The following TTC17 variants were observed in gnomAD, a reference collection of about 807,000 sequenced individuals.
TTC17 encodes the protein tetratricopeptide repeat domain 17, also known as tetratricopeptide repeat protein 17.
A neutral mutation model predicts 143.8 loss-of-function variants in TTC17; 58 were observed. The ratio of observed to expected loss-of-function variants is 0.40; its 90% CI spans 0.33 to 0.50. The LOEUF (loss-of-function observed/expected upper bound fraction) is 0.50. TTC17 is among the 20% of genes least tolerant of loss of function. The probability of loss-of-function intolerance (pLI) is 0.49; values close to 1 mark genes in which losing one functional copy is unlikely to be tolerated. For missense variants in TTC17, 1,273 were observed against 1,392.5 expected (o/e 0.91, Z 1.37); for synonymous variants, 501 against 497.8 (o/e 1.01, Z -0.09).
At chr11:43,445,888 C>A (rs959450549) in intron 18 of TTC17, 1 of 879,700 alleles carries the variant, frequency 1.1e-6, no homozygotes, top group East Asian at 2.6e-5. Context: ...TTTCTAAGAA[C>A]TAATAATAAT....
rs185357489 is a variant in TTC17, at chr11:43,456,349, A to T, written c.3030+5084A>T. On this transcript the variant is annotated intron_variant, in intron 21 of 23. Coordinates refer to ENST00000039989, the MANE Select transcript of TTC17 (RefSeq NM_018259.6). ...TGAATGTATTAATATAGACAAAGGCATTCAGACTGCCTACTGTATCTAATA... is the reference window on the plus strand; with the variant it reads ...TGAATGTATTAATATAGACAAAGGCTTTCAGACTGCCTACTGTATCTAATA... Among the ~76,000 whole-genome samples the T allele has an allele frequency of 2.4e-3, 359 of 152,316 alleles. 1 individual carries two copies. The highest frequency in any genetic ancestry group is 5.2e-3 in the Admixed American group (80 of 15,306).
At chr11:43,439,615 C>T (rs1947370868) in intron 16 of TTC17, among the ~76,000 whole-genome samples, 1 of 151,798 alleles carries the variant, frequency 6.6e-6, no homozygotes, top group Non-Finnish European at 1.5e-5. Context: ...ACTATAGGTG[C>T]CCACCACCAC....
At position 43,396,693 on chromosome 11, in the gene TTC17, C is replaced by CT. The variant is rs760660262; in HGVS notation, c.664-10dup. The CT allele has an allele frequency of 6.9e-7, 1 of 1,451,598 alleles. No homozygotes were observed. Among genetic ancestry groups the CT allele is most frequent in the South Asian group, 1.3e-5 (1 of 78,258 alleles). 89.9% of individuals were successfully genotyped at this position (1,451,598 alleles called of 1,614,324 possible). On this transcript the variant is annotated splice_polypyrimidine_tract_variant and intron_variant, in intron 5 of 23. Coordinates refer to ENST00000039989, the MANE Select transcript of TTC17 (RefSeq NM_018259.6). ...GTCTTGAGTCGTGTTTGTAATTTTA[C>CT]TTTTTTAATCTCTAGAACACTTCCT... is the stretch of plus-strand genomic sequence containing the variant.
At chr11:43,377,755 T>C (rs1429164340) in intron 1 of TTC17, among the ~76,000 whole-genome samples, 1 of 152,262 alleles carries the variant, frequency 6.6e-6, no homozygotes, top group Non-Finnish European at 1.5e-5. Flanking sequence ...TATTAAACTT[T>C]GTTATCTAGT....
At chr11:43,478,454 A>C (rs892984127) in intron 21 of TTC17, among the ~76,000 whole-genome samples, 2 of 152,206 alleles carry the variant, frequency 1.3e-5, no homozygotes, top group African/African-American at 4.8e-5. Context: ...TTAGAGGCAC[A>C]CACTAAAGAA....
intron 2 of TTC17, among the ~76,000 whole-genome samples, chr11:43,384,576 G>T (rs1259421630): frequency 6.6e-6 from 1 of 151,936 alleles, no homozygotes; most frequent in Non-Finnish European, 1.5e-5. Flanking sequence ...GATCACCTGA[G>T]CCAGGGATGC....
intron 16 of TTC17, among the ~76,000 whole-genome samples, chr11:43,426,793 A>C (rs1947038924): frequency 6.6e-6 from 1 of 152,202 alleles, no homozygotes; most frequent in African/African-American, 2.4e-5. Context: ...GGAGAAAAAA[A>C]GACAAAATAG....
chr11:43,413,928 C>A (rs1946714966), intron 15 of TTC17, among the ~76,000 whole-genome samples: 1 of 152,174 alleles, frequency 6.6e-6, no homozygotes, highest in Non-Finnish European at 1.5e-5. Context: ...ACCTTACAAC[C>A]TGTGCTAAGT....
intron 18 of TTC17, chr11:43,446,740 T>C: frequency 1.1e-6 from 1 of 904,118 alleles, no homozygotes. Flanking sequence ...CCTTCCTGCC[T>C]ATTCCATTAT....
intron 21 of TTC17, among the ~76,000 whole-genome samples, chr11:43,453,234 A>T (rs558213456): frequency 6.6e-6 from 1 of 152,318 alleles, no homozygotes; most frequent in African/African-American, 2.4e-5. Flanking sequence ...TTTAAGCTCT[A>T]GATTCAAATA....
chr11:43,396,797 G>T lies in TTC17; in HGVS notation c.752G>T (p.Arg251Leu). The part of the protein sequence containing the change: ...EPYQVVECAM[R>L]ALHFSSRHNK... Reference sequence around the variant, plus strand: ...TATCAGGTAGTAGAATGTGCCATGCGAGCACTTCACTTCTCTTCCAGGTAA... The same window carrying T: ...TATCAGGTAGTAGAATGTGCCATGCTAGCACTTCACTTCTCTTCCAGGTAA... Residue 251 changes from arginine (R) to leucine (L), a missense_variant, in exon 6 of 24, where the codon CGA (arginine) becomes CTA (leucine). Around this residue, in one of 3 missense-constraint regions of TTC17, gnomAD observed 325 missense variants for 444.2 expected, o/e 0.73. Coordinates refer to ENST00000039989, the MANE Select transcript of TTC17 (RefSeq NM_018259.6). The T allele has an allele frequency of 6.2e-7, 1 of 1,607,812 alleles. No homozygotes were observed. Among genetic ancestry groups the T allele is most frequent in the Non-Finnish European group, 8.5e-7 (1 of 1,175,498 alleles).
chr11:43,376,387 C>T (rs1025710225), intron 1 of TTC17, among the ~76,000 whole-genome samples: 1 of 152,156 alleles, frequency 6.6e-6, no homozygotes, highest in African/African-American at 2.4e-5. Context: ...AAATACTTTT[C>T]ATAATTTCTT....
In TTC17 at chr11:43,414,852, T is replaced by C. The variant is rs867096074; in HGVS notation, c.2251+76T>C. The C allele has an allele frequency of 8.1e-6, 12 of 1,476,850 alleles. No individual in the cohort carries two copies. The Middle Eastern group carries it at 1.1e-3, about 130-fold the overall frequency. 91.5% of individuals were successfully genotyped at this position (1,476,850 alleles called of 1,614,324 possible). Reference sequence around the variant, plus strand: ...CTTCTGATCAAAAGAACACAGAAAATGATTTTCTCTATTTTACCCAAGGAT... The same window carrying C: ...CTTCTGATCAAAAGAACACAGAAAACGATTTTCTCTATTTTACCCAAGGAT... On this transcript the variant is annotated intron_variant, in intron 16 of 23. Coordinates refer to ENST00000039989, the MANE Select transcript of TTC17 (RefSeq NM_018259.6).
intron 8 of TTC17, among the ~76,000 whole-genome samples, chr11:43,398,557 A>G (rs1857714528): frequency 6.6e-6 from 1 of 152,098 alleles, no homozygotes; most frequent in African/African-American, 2.4e-5. Context: ...GGGTTGAGTT[A>G]TTGTTAAGGT....
At chr11:43,426,505 A>G (rs564776005) in intron 16 of TTC17, among the ~76,000 whole-genome samples, 2 of 152,370 alleles carry the variant, frequency 1.3e-5, no homozygotes, top group South Asian at 4.1e-4. Context: ...AGGATCTGCA[A>G]TCAGGGTATT....
At chr11:43,458,870 CTGTTT>C (rs1947812224) in intron 21 of TTC17, among the ~76,000 whole-genome samples, 1 of 151,924 alleles carries the variant, frequency 6.6e-6, no homozygotes, top group Non-Finnish European at 1.5e-5. Flanking sequence ...TTTAATTGTT[CTGTTT>C]TATTATTATT....
At chr11:43,420,181 G>T (rs946490494) in intron 16 of TTC17, among the ~76,000 whole-genome samples, 30 of 152,206 alleles carry the variant, frequency 2.0e-4, no homozygotes, top group African/African-American at 7.2e-4. Context: ...TCAAATTACA[G>T]TCAGTCTTTG....
chr11:43,465,376 A>G (rs1409365787), intron 21 of TTC17, among the ~76,000 whole-genome samples: 1 of 152,228 alleles, frequency 6.6e-6, no homozygotes, highest in Non-Finnish European at 1.5e-5. Flanking sequence ...AGGGCAGACA[A>G]TAGAAATATA....
At chr11:43,391,659 C>G (rs1565140908) in intron 4 of TTC17, 83 bp downstream of exon 4, 1 of 1,247,246 alleles carries the variant, frequency 8.0e-7, no homozygotes. Flanking sequence ...GACCATTTCT[C>G]TTTCTTCTCT....
Sources: allele counts gnomAD v4.1 joint callset (sites outside exome capture counted in the v4.1 genomes callset), GRCh38; gene constraint gnomAD v4.1.1; regional missense constraint gnomAD v4.1.1; transcripts MANE v1.5; gene names NCBI Gene and HGNC (gene_info 2026-07-23, HGNC 2026-07-21).